MEGF10: variants seen among roughly 807,000 people sequenced by gnomAD.
MEGF10 encodes multiple EGF like domains 10.
In MEGF10, 86 loss-of-function variants were observed where a neutral mutation model predicts 147.5. The observed-to-expected ratio is 0.58, with a 90% CI of 0.49 to 0.70. The LOEUF is 0.70. Among genes scored for constraint, MEGF10 ranks in the 30% least tolerant of loss-of-function variants. The probability of loss-of-function intolerance (pLI) is 0.00; values close to 1 mark genes in which losing one functional copy is unlikely to be tolerated. For missense variants in MEGF10, 1,329 were observed against 1,487.3 expected, an observed-to-expected ratio of 0.89 and a Z score of 1.75; for synonymous variants, 478 against 525.5, an observed-to-expected ratio of 0.91 and a Z score of 1.24.
Position 127,440,866 on chromosome 5 carries a change from G to A in MEGF10, c.2361G>A (p.Gln787=). ...RTGFMGRHCE[Q]KCPSGTYGYG... is the part of the protein sequence containing the mutation. ...GATTCATGGGACGGCACTGTGAGCA[G>A]AGTAAGTATGAGAGTGTGGCATCAC... The change falls in exon 18 of 25, where the codon CAG becomes CAA. Residue 787 remains glutamine, a splice_region_variant and synonymous_variant. Transcript: ENST00000503335. 6.2e-7 allele frequency: 1 copy of A among 1,613,568 alleles called. No homozygotes were observed.
At chr5:127,288,023 G>C (rs1334156281), upstream of MEGF10, among the ~76,000 whole-genome samples, 1 of 151,882 alleles carries the variant, frequency 6.6e-6, no homozygotes, top group Non-Finnish European at 1.5e-5. Context: ...TCAACAAATG[G>C]TGCCAAAACA....
At chr5:127,229,408 C>T in the MEGF10 span, 1 of 152,132 alleles carries the variant, frequency 6.6e-6, no homozygotes, top group Non-Finnish European at 1.5e-5. Context: ...AGCGCACCGC[C>T]AGCCTCGTCC....
chr5:127,331,606 A>G (rs1580723805), intron 2 of MEGF10, among the ~76,000 whole-genome samples, 182 bp downstream of exon 2: 2 of 152,216 alleles, frequency 1.3e-5, no homozygotes, highest in East Asian at 1.9e-4. Flanking sequence ...TATAGCATAT[A>G]TATTATGTGA....
At chr5:127,311,641 A>C (rs1312827030) in intron 1 of MEGF10, among the ~76,000 whole-genome samples, 1 of 152,218 alleles carries the variant, frequency 6.6e-6, no homozygotes, top group African/African-American at 2.4e-5. Flanking sequence ...AATACAGAGA[A>C]CTGTGTCTGG....
chr5:127,398,855 C>G (rs1461461100), intron 7 of MEGF10, 59 bp downstream of exon 7: 10 of 1,607,626 alleles, frequency 6.2e-6, no homozygotes. Flanking sequence ...CCAGGATACT[C>G]AGTGCATACA....
At chr5:127,429,769 G>A (rs1426034852) in intron 13 of MEGF10, among the ~76,000 whole-genome samples, 1 of 152,166 alleles carries the variant, frequency 6.6e-6, no homozygotes, top group Non-Finnish European at 1.5e-5. Context: ...GCAGGTAAAA[G>A]AGCACCTGAC....
At chr5:127,298,962 G>A (rs985358473) in intron 1 of MEGF10, among the ~76,000 whole-genome samples, 2 of 152,180 alleles carry the variant, frequency 1.3e-5, no homozygotes, top group African/African-American at 4.8e-5. Flanking sequence ...GCAGCAATGT[G>A]TCAGAGGTAG....
At chr5:127,443,478 A>C (rs898172096) in intron 19 of MEGF10, among the ~76,000 whole-genome samples, 16 of 147,958 alleles carry the variant, frequency 1.1e-4, no homozygotes, top group Non-Finnish European at 2.0e-4. Flanking sequence ...CAAAAAACAC[A>C]CCTATTTAAT....
chr5:127,402,420 AATCT>A, intron 7 of MEGF10, 122 bp from the exon 8 acceptor site: 1 of 1,002,182 alleles, frequency 1.0e-6, no homozygotes, highest in Non-Finnish European at 1.5e-6. Flanking sequence ...AAAATTCTCT[AATCT>A]AATTTTCTTG....
At chr5:127,396,843 G>A in intron 6 of MEGF10, 65 bp downstream of exon 6, 2 of 1,564,638 alleles carry the variant, frequency 1.3e-6, no homozygotes, top group Non-Finnish European at 1.7e-6. Context: ...TGCTGCTGCT[G>A]CCATCATATT....
chr5:127,420,607 G>A (rs1180996317), intron 12 of MEGF10, among the ~76,000 whole-genome samples: 1 of 152,058 alleles, frequency 6.6e-6, no homozygotes, highest in African/African-American at 2.4e-5. Context: ...GGAGGGTGGT[G>A]ACTGATGTCA....
chr5:127,413,684 C>T (rs1031600476), intron 9 of MEGF10, among the ~76,000 whole-genome samples: 11 of 152,226 alleles, frequency 7.2e-5, no homozygotes, highest in African/African-American at 1.7e-4. Flanking sequence ...AACCTCCAAA[C>T]TGCTGCTTCT....
the MEGF10 span, among the ~76,000 whole-genome samples, chr5:127,234,943 A>C: frequency 3.3e-5 from 5 of 152,072 alleles, no homozygotes; most frequent in African/African-American, 1.2e-4. Flanking sequence ...TCCCTGGTTC[A>C]AGCAATTCCC....
intron 13 of MEGF10, among the ~76,000 whole-genome samples, chr5:127,429,288 C>G (rs1765317023): frequency 6.6e-6 from 1 of 152,206 alleles, no homozygotes; most frequent in Admixed American, 6.5e-5. Flanking sequence ...ACCTGAGCCC[C>G]TAAATGTGTA....
chr5:127,246,779 T>G, the MEGF10 span, among the ~76,000 whole-genome samples: 1 of 130,446 alleles, frequency 7.7e-6, no homozygotes, highest in Non-Finnish European at 1.6e-5. Flanking sequence ...AAATTATATT[T>G]ATATATAATT....
chr5:127,259,950 A>C, the MEGF10 span, among the ~76,000 whole-genome samples: 2 of 152,102 alleles, frequency 1.3e-5, no homozygotes, highest in Non-Finnish European at 2.9e-5. Context: ...TGAGGTCAGG[A>C]GTTCGAGACC....
At chr5:127,399,021 A>G (rs570432070) in intron 7 of MEGF10, among the ~76,000 whole-genome samples, 3 of 152,364 alleles carry the variant, frequency 2.0e-5, no homozygotes, top group South Asian at 4.1e-4. Context: ...GAAGGTTGTC[A>G]TGTAAAGGGT....
the MEGF10 span, among the ~76,000 whole-genome samples, chr5:127,268,163 A>C: frequency 1.3e-5 from 2 of 152,114 alleles, no homozygotes; most frequent in Non-Finnish European, 2.9e-5. Flanking sequence ...TTCTGCCTTC[A>C]TTTCGTTATG....
chr5:127,344,796 T>C (rs1761818799), intron 4 of MEGF10, among the ~76,000 whole-genome samples: 1 of 152,192 alleles, frequency 6.6e-6, no homozygotes, highest in Non-Finnish European at 1.5e-5. Context: ...TTTAGAGAAA[T>C]TAAGTAAATA....
Sources: allele counts gnomAD v4.1 joint callset (sites outside exome capture counted in the v4.1 genomes callset), GRCh38; gene constraint gnomAD v4.1.1; transcripts MANE v1.5; gene names NCBI Gene and HGNC (gene_info 2026-07-23, HGNC 2026-07-21).